The following AGO2 variants were observed in gnomAD, a reference collection of about 807,000 sequenced individuals.
AGO2 encodes the protein protein argonaute-2.
A neutral mutation model predicts 102.3 loss-of-function variants in AGO2; 5 were observed. The observed-to-expected ratio is 0.05, with a 90% CI of 0.03 to 0.10. AGO2 has a LOEUF of 0.10. AGO2 is among the 10% of genes least tolerant of loss of function. The pLI is 1.00. For missense variants in AGO2, 541 were observed against 1,183.7 expected, an observed-to-expected ratio of 0.46 and a Z score of 7.97; for synonymous variants, 449 against 473.1, an observed-to-expected ratio of 0.95 and a Z score of 0.66.
At chr8:140,581,269 C>T (rs997167898) in intron 2 of AGO2, among the ~76,000 whole-genome samples, 2 of 152,234 alleles carry the variant, frequency 1.3e-5, no homozygotes, top group Non-Finnish European at 2.9e-5. Flanking sequence ...AATTCTAGCA[C>T]TTTGAGAGGC....
intron 1 of AGO2, among the ~76,000 whole-genome samples, chr8:140,626,209 G>C (rs1430382966): frequency 6.6e-6 from 1 of 152,154 alleles, no homozygotes; most frequent in African/African-American, 2.4e-5. Context: ...GGCGCACCTG[G>C]GTCTGTATAG....
At chr8:140,621,452 C>T (rs1231049501) in intron 1 of AGO2, among the ~76,000 whole-genome samples, 1 of 152,178 alleles carries the variant, frequency 6.6e-6, no homozygotes, top group African/African-American at 2.4e-5. Context: ...TGTCCATTCA[C>T]CATTGTCCCC....
rs542054185 is a variant in AGO2, at chr8:140,527,711, CTATT to C, written c.*4329_*4332del. The stretch of plus-strand genomic sequence containing the variant: ...ATGAGCACTGAGGAAGTTTCTGTTT[CTATT>C]TATTGTACATTCCTTTTCTCATGAG... On this transcript the variant is annotated 3_prime_UTR_variant, in exon 19 of 19. Coordinates refer to ENST00000220592, the MANE Select transcript of AGO2 (RefSeq NM_012154.5). This position sits in a 1 kb window ranked among gnomAD's most constrained non-coding sequence, Gnocchi z 6.0. The C allele has an allele frequency of 2.8e-3, 432 of 152,360 alleles. No homozygotes were observed. The highest frequency in any genetic ancestry group is 5.0e-3 in the Non-Finnish European group (338 of 68,036). The allele number at this position is 152,360 out of a possible 1,614,324, so 9.4% of individuals were successfully genotyped here. A position where few individuals can be genotyped will look rare whatever the true frequency, so the allele number is the denominator to read the frequency against.
intron 13 of AGO2, among the ~76,000 whole-genome samples, chr8:140,545,115 C>T (rs541583138): frequency 2.6e-5 from 4 of 152,180 alleles, no homozygotes; most frequent in East Asian, 1.9e-4. Flanking sequence ...GCCCTCTCCC[C>T]GCATCCATTT....
At chr8:140,634,516 C>T (rs2074378726) in intron 1 of AGO2, among the ~76,000 whole-genome samples, 1 of 152,256 alleles carries the variant, frequency 6.6e-6, no homozygotes, top group Admixed American at 6.5e-5. Flanking sequence ...GCCACGTGCC[C>T]GGTGGGAGCA....
Position 140,528,041 on chromosome 8 carries a change from G to A in AGO2, c.*4003C>T, listed in dbSNP as rs531823096. The A allele has an allele frequency of 1.6e-4, 24 of 152,314 alleles. No homozygotes were observed. The highest frequency in any genetic ancestry group is 5.5e-4 in the African/African-American group (23 of 41,570). 9.4% of individuals were successfully genotyped at this position (152,314 alleles called of 1,614,324 possible). On this transcript the variant is annotated 3_prime_UTR_variant, in exon 19 of 19. Coordinates refer to ENST00000220592, the MANE Select transcript of AGO2 (RefSeq NM_012154.5). The surrounding 1 kb of genome is among the most constrained non-coding windows in gnomAD (Gnocchi z 4.5). ...TGACGTGTGGCCGGTCTATCCTAGC[G>A]TATTGTATCAAATATATAATTTGAC...
At chr8:140,586,550 G>A (rs906831830) in intron 1 of AGO2, among the ~76,000 whole-genome samples, 2 of 152,130 alleles carry the variant, frequency 1.3e-5, no homozygotes, top group African/African-American at 2.4e-5. Context: ...TGCCACCAGG[G>A]ACAGTTTCCA....
In AGO2 at chr8:140,562,013, G is replaced by T. The variant is rs537046803; in HGVS notation, c.518+440C>A. Among the ~76,000 whole-genome samples the T allele has an allele frequency of 3.5e-4, 53 of 152,322 alleles. 1 individual carries two copies. Among genetic ancestry groups the T allele is most frequent in the Non-Finnish European group, 1.6e-4 (11 of 68,038 alleles). ...CCAGCAATCGCAAGTGTGGCCATTT[G>T]TGGTAAAAGAGTAATCCTGAGAAAA... On this transcript the variant is annotated intron_variant, in intron 4 of 18. Transcript: ENST00000220592.
chr8:140,601,715 A>G (rs2073936058), intron 1 of AGO2, among the ~76,000 whole-genome samples: 1 of 152,236 alleles, frequency 6.6e-6, no homozygotes, highest in African/African-American at 2.4e-5. Context: ...TCTACCTTGT[A>G]TCAGCTCTAG....
At chr8:140,600,926 C>T (rs969514653) in intron 1 of AGO2, among the ~76,000 whole-genome samples, 6 of 151,422 alleles carry the variant, frequency 4.0e-5, no homozygotes, top group Admixed American at 6.6e-5. Context: ...AGTGAGGCTC[C>T]GTCTCAAAAA....
At chr8:140,568,369 G>GCTGTTC (rs1300506794) in intron 3 of AGO2, among the ~76,000 whole-genome samples, 4 of 151,968 alleles carry the variant, frequency 2.6e-5, no homozygotes, top group Non-Finnish European at 5.9e-5. Flanking sequence ...CTTTCAAAAG[G>GCTGTTC]CTGTTCCTGC....
At chr8:140,600,402 C>T (rs974765389) in intron 1 of AGO2, among the ~76,000 whole-genome samples, 4 of 152,172 alleles carry the variant, frequency 2.6e-5, no homozygotes, top group African/African-American at 7.2e-5. Context: ...AAACACAGGC[C>T]GGGCGCGGTG....
chr8:140,590,713 C>T (rs2073735610), intron 1 of AGO2, among the ~76,000 whole-genome samples: 1 of 152,214 alleles, frequency 6.6e-6, no homozygotes, highest in Non-Finnish European at 1.5e-5. Context: ...TGCATCAGTG[C>T]TCCTCGGAAC....
chr8:140,548,722 C>A (rs2072944954), intron 12 of AGO2, among the ~76,000 whole-genome samples: 1 of 152,236 alleles, frequency 6.6e-6, no homozygotes. Context: ...CCACAAAATT[C>A]TGAGGTGGGC....
chr8:140,551,689 G>A (rs1334551384), intron 10 of AGO2, among the ~76,000 whole-genome samples: 1 of 151,556 alleles, frequency 6.6e-6, no homozygotes. Flanking sequence ...TGGGTGGATG[G>A]TTGATGGGTC....
At chr8:140,564,918 G>A (rs975541948) in intron 3 of AGO2, among the ~76,000 whole-genome samples, 3 of 152,178 alleles carry the variant, frequency 2.0e-5, no homozygotes, top group South Asian at 2.1e-4. Flanking sequence ...GGTGGATCAC[G>A]AGGTCAGGAG....
At chr8:140,551,750 G>A (rs2073002638) in intron 10 of AGO2, among the ~76,000 whole-genome samples, 1 of 138,994 alleles carries the variant, frequency 7.2e-6, no homozygotes, top group South Asian at 2.4e-4. Context: ...TAAGGTAGGT[G>A]GGTGGTCCGT....
At chr8:140,632,537 G>T (rs557381299) in intron 1 of AGO2, among the ~76,000 whole-genome samples, 2 of 152,378 alleles carry the variant, frequency 1.3e-5, no homozygotes, top group Non-Finnish European at 2.9e-5. Context: ...TGGCAAATCT[G>T]CGAGGGGTGT....
At chr8:140,594,835 G>GTT (rs2073801850) in intron 1 of AGO2, among the ~76,000 whole-genome samples, 1 of 151,788 alleles carries the variant, frequency 6.6e-6, no homozygotes, top group African/African-American at 2.4e-5. Flanking sequence ...CTGTGTGTGT[G>GTT]TGTGTGTGTG....
Sources: allele counts gnomAD v4.1 joint callset (sites outside exome capture counted in the v4.1 genomes callset), GRCh38; gene constraint gnomAD v4.1.1; non-coding constraint Gnocchi (gnomAD v3.1); transcripts MANE v1.5; gene names NCBI Gene and HGNC (gene_info 2026-07-23, HGNC 2026-07-21).